The following RHCE variants were observed in gnomAD, a reference collection of about 807,000 sequenced individuals.
RHCE encodes Rh blood group CcEe antigens, also known as blood group Rh(CE) polypeptide.
RHCE carries 22 observed loss-of-function variants against 43.8 expected under a neutral mutation model. That is an observed-to-expected ratio of 0.50 (90% CI 0.36 to 0.72). The LOEUF is 0.72. RHCE is among the 30% of genes least tolerant of loss of function. RHCE has a pLI of 0.00. For missense variants in RHCE, 385 were observed against 525.4 expected, an observed-to-expected ratio of 0.73 and a Z score of 2.61; for synonymous variants, 156 against 210.7, an observed-to-expected ratio of 0.74 and a Z score of 2.25.
rs1197618988 is a variant in RHCE at position 25,409,221 on chromosome 1, C to T, written c.149-352G>A. ...CACGTGCTTGATGCACATGGACACT[C>T]AGTAAAGGTCATTGCTGCTGTTATT... On this transcript the variant is annotated intron_variant, in intron 1 of 9. Transcript: ENST00000294413. Among the ~76,000 whole-genome samples the T allele has an allele frequency of 3.2e-5, 4 of 123,644 alleles. 1 individual carries two copies. The highest frequency in any genetic ancestry group is 1.0e-4 in the African/African-American group (4 of 39,596). 81.1% of individuals were successfully genotyped at this position (123,644 alleles called of 152,430 possible). A position where few individuals can be genotyped will look rare whatever the true frequency, so the allele number is the denominator to read the frequency against.
At chr1:25,395,486 A>C (rs1646509719) in intron 3 of RHCE, among the ~76,000 whole-genome samples, 1 of 152,192 alleles carries the variant, frequency 6.6e-6, no homozygotes. Context: ...TGCCCTCCTG[A>C]GTCTGGCAGC....
chr1:25,393,759 G>A (rs568775929), intron 3 of RHCE, among the ~76,000 whole-genome samples: 1 of 151,952 alleles, frequency 6.6e-6, no homozygotes, highest in African/African-American at 2.4e-5. Flanking sequence ...TGACCTCTCG[G>A]GCGTCACCTC....
chr1:25,413,031 A>G (rs1177995551), intron 1 of RHCE, among the ~76,000 whole-genome samples: 1 of 150,454 alleles, frequency 6.6e-6, no homozygotes, highest in Admixed American at 6.6e-5. Context: ...CTCAAAAAAA[A>G]AGAGAGATGA....
At chr1:25,391,183 A>T (rs1380820926) in intron 4 of RHCE, among the ~76,000 whole-genome samples, 1 of 151,368 alleles carries the variant, frequency 6.6e-6, no homozygotes, top group East Asian at 1.9e-4. Context: ...GCTTATTTTA[A>T]TTTTTTTTTC....
intron 1 of RHCE, chr1:25,411,567 A>G: frequency 8.9e-7 from 1 of 1,121,846 alleles, no homozygotes; most frequent in South Asian, 1.8e-5. Context: ...CCTCCACGGG[A>G]CCTGGGGATT....
chr1:25,401,083 T>C (rs1646724153), intron 3 of RHCE, among the ~76,000 whole-genome samples: 1 of 152,166 alleles, frequency 6.6e-6, no homozygotes, highest in Non-Finnish European at 1.5e-5. Context: ...AGTCAGATCA[T>C]AGCTCTCCTC....
intron 3 of RHCE, among the ~76,000 whole-genome samples, chr1:25,399,999 A>T (rs1252234514): frequency 1.3e-5 from 2 of 152,132 alleles, no homozygotes; most frequent in Non-Finnish European, 2.9e-5. Flanking sequence ...ATGTTGTATA[A>T]TAATAATAAT....
rs1340862165 is a variant in RHCE, at chr1:25,366,579, AG to A, written c.1227+3887del. ...TTTTTTTTGTATTTTTAGTAGAGAC[AG>A]GGTTGCACCACGTTGACCAGGCTGG... On this transcript the variant is annotated intron_variant, in intron 9 of 9. Transcript: ENST00000294413. 7.2e-3 allele frequency among the ~76,000 whole-genome samples: 230 copies of A among 31,840 alleles called. 1 individual carries two copies. Among genetic ancestry groups the A allele is most frequent in the African/African-American group, 0.014 (204 of 14,378 alleles). The allele number at this position is 31,840 out of a possible 152,430, so 20.9% of individuals were successfully genotyped here.
intron 4 of RHCE, 128 bp from the exon 5 acceptor site, chr1:25,391,043 A>G (rs890988339): frequency 6.3e-6 from 8 of 1,275,888 alleles, no homozygotes; most frequent in Middle Eastern, 5.3e-4. Flanking sequence ...TAGATGGGGA[A>G]GTCACGTCTC....
chr1:25,424,672 G>C (rs1249210894), upstream of RHCE, among the ~76,000 whole-genome samples: 2 of 152,020 alleles, frequency 1.3e-5, no homozygotes, highest in Admixed American at 1.3e-4. Context: ...ATAAGTGTGA[G>C]CCACTGTGCC....
intron 1 of RHCE, among the ~76,000 whole-genome samples, chr1:25,411,107 A>G (rs1340090848): frequency 1.3e-5 from 2 of 151,568 alleles, no homozygotes. Flanking sequence ...AAATAAATAA[A>G]TAAATAAATA....
intron 7 of RHCE, among the ~76,000 whole-genome samples, chr1:25,378,768 T>C (rs1645863865): frequency 6.6e-6 from 1 of 152,256 alleles, no homozygotes; most frequent in African/African-American, 2.4e-5. Flanking sequence ...CACAGTTTTG[T>C]GTGGCCCTGC....
intron 1 of RHCE, among the ~76,000 whole-genome samples, chr1:25,414,470 T>G (rs1647224845): frequency 6.6e-6 from 1 of 151,916 alleles, no homozygotes; most frequent in Non-Finnish European, 1.5e-5. Context: ...CAGCCTCTAC[T>G]CTACCGGCGA....
intron 7 of RHCE, among the ~76,000 whole-genome samples, chr1:25,375,679 C>A (rs1451859969): frequency 3.4e-5 from 5 of 147,742 alleles, no homozygotes; most frequent in Non-Finnish European, 7.4e-5. Flanking sequence ...GGATAATGAA[C>A]CAGACCAGGA....
At chr1:25,377,504 CT>C (rs1645825322) in intron 7 of RHCE, among the ~76,000 whole-genome samples, 1 of 151,820 alleles carries the variant, frequency 6.6e-6, no homozygotes, top group Non-Finnish European at 1.5e-5. Context: ...TGCAAAAATT[CT>C]TAAACAGGAC....
rs34191942 is a variant in RHCE at position 25,402,858 on chromosome 1, A to G, written c.336-112T>C. 38 of 1,481,114 alleles carry G rather than the reference A, an allele frequency of 2.6e-5. No individual in the cohort carries two copies. In the Admixed American group the frequency reaches 3.4e-4, roughly 13 times the overall value. The allele number at this position is 1,481,114 out of a possible 1,614,324, so 91.7% of individuals were successfully genotyped here. Reference sequence around the variant, plus strand: ...CTGTTGGGCACCTTACTTTCTGTGGAAATAGAAGACAAGATTTCTACCCAC... The same window carrying G: ...CTGTTGGGCACCTTACTTTCTGTGGGAATAGAAGACAAGATTTCTACCCAC... On this transcript the variant is annotated intron_variant, in intron 2 of 9. Transcript: ENST00000294413.
Position 25,404,169 on chromosome 1 carries a change from C to CAA in RHCE, c.336-1425_336-1424dup, listed in dbSNP as rs3079571. On this transcript the variant is annotated intron_variant, in intron 2 of 9. Coordinates refer to ENST00000294413, the MANE Select transcript of RHCE (RefSeq NM_020485.8). ...GGCGACAGAGTAAGACTCTGTCTCA[C>CAA]AAAAAAAAAAAAAAAAAAAAATTCA... Among the ~76,000 whole-genome samples the CAA allele has an allele frequency of 5.4e-3, 489 of 90,934 alleles. 18 individuals carry two copies. Among genetic ancestry groups the CAA allele is most frequent in the East Asian group, 0.015 (48 of 3,136 alleles). The allele number at this position is 90,934 out of a possible 152,430, so 59.7% of individuals were successfully genotyped here. A position where few individuals can be genotyped will look rare whatever the true frequency, so the allele number is the denominator to read the frequency against.
intron 7 of RHCE, among the ~76,000 whole-genome samples, chr1:25,375,853 T>A (rs1389389715): frequency 2.2e-5 from 3 of 137,120 alleles, no homozygotes; most frequent in Admixed American, 7.2e-5. Context: ...TCGTCCAGAC[T>A]GGAGTGCAGT....
At chr1:25,393,076 A>G (rs1646430748) in intron 3 of RHCE, among the ~76,000 whole-genome samples, 1 of 152,310 alleles carries the variant, frequency 6.6e-6, no homozygotes, top group African/African-American at 2.4e-5. Context: ...ATTTTGCATC[A>G]TGACTATCAC....
Sources: gnomAD v4.1 joint callset for allele counts (sites outside exome capture counted in the v4.1 genomes callset) on GRCh38, gnomAD v4.1.1 for gene constraint, MANE v1.5 for transcripts, NCBI Gene and HGNC (gene_info 2026-07-23, HGNC 2026-07-21) for gene names.